NFIL3: variants seen among roughly 807,000 people sequenced by gnomAD.
NFIL3 encodes the protein nuclear factor interleukin-3-regulated protein.
Under a neutral mutation model 10.0 loss-of-function variants are expected in NFIL3, and 5 were observed. The ratio of observed to expected loss-of-function variants is 0.50; its 90% CI spans 0.26 to 1.06. NFIL3 has a LOEUF of 1.06. Ranked by LOEUF, NFIL3 falls within the 50% of genes least tolerant of loss-of-function variation. The pLI, the probability that NFIL3 is intolerant of heterozygous loss-of-function variation, is 0.13. For synonymous variants in NFIL3, 202 were observed against 206.5 expected, an observed-to-expected ratio of 0.98 and a Z score of 0.19; for missense variants, 436 against 547.6, an observed-to-expected ratio of 0.80 and a Z score of 2.03.
At chr9:91,419,669 A>G (rs2440592) in intron 1 of NFIL3, among the ~76,000 whole-genome samples, 19,262 of 152,302 alleles carry the variant, frequency 0.13, 1,452 homozygotes, top group Middle Eastern at 0.17. Flanking sequence ...ATGATAACAG[A>G]GCCCCTCAAC....
At chr9:91,480,368 A>G in the NFIL3 span, among the ~76,000 whole-genome samples, 1 of 152,190 alleles carries the variant, frequency 6.6e-6, no homozygotes. Context: ...AATCAAAGAG[A>G]GTAATGAAAC....
At position 91,410,921 on chromosome 9, in the gene NFIL3, T is replaced by C; in HGVS notation, c.-172-15A>G. Reference sequence around the variant, plus strand: ...TCCTTCGTTATCTGCAATACATGAATAAAAAAAAAACCAGTTATTCACTGG... The same window carrying C: ...TCCTTCGTTATCTGCAATACATGAACAAAAAAAAAACCAGTTATTCACTGG... On this transcript the variant is annotated splice_polypyrimidine_tract_variant and intron_variant, in intron 1 of 1. Coordinates refer to ENST00000297689, the MANE Select transcript of NFIL3 (RefSeq NM_005384.3). This position sits in a 1 kb window ranked among gnomAD's most constrained non-coding sequence, Gnocchi z 5.7. 3 of 464,438 alleles carry C rather than the reference T, an allele frequency of 6.5e-6. No homozygotes were observed. Among genetic ancestry groups the C allele is most frequent in the Non-Finnish European group, 1.2e-5 (3 of 260,034 alleles). The allele number at this position is 464,438 out of a possible 1,614,324, so 28.8% of individuals were successfully genotyped here.
the NFIL3 span, among the ~76,000 whole-genome samples, chr9:91,438,155 C>T: frequency 6.6e-6 from 1 of 152,202 alleles, no homozygotes; most frequent in Admixed American, 6.5e-5. Flanking sequence ...TTTTTCTTCA[C>T]ATACTTCCTA....
In NFIL3 at chr9:91,410,288, A is replaced by C; in HGVS notation, c.447T>G (p.Phe149Leu). ...QKLSNSTAVY[F>L]QDYQTSKSNV... ...TGGATTTGGAAGTCTGGTAATCTTG[A>C]AAGTACACAGCTGTAGAATTACTGA... The change falls in exon 2 of 2, where the codon TTT becomes TTG. Residue 149 changes from phenylalanine (F) to leucine (L), a missense_variant. Physicochemically the swap from Phe to Leu is conservative, Grantham distance 22. Transcript: ENST00000297689. The surrounding 1 kb of genome is among the most constrained non-coding windows in gnomAD (Gnocchi z 5.7). 5 of 1,614,202 alleles carry C rather than the reference A, an allele frequency of 3.1e-6. No individual in the cohort carries two copies. Among genetic ancestry groups the C allele is most frequent in the Non-Finnish European group, 4.2e-6 (5 of 1,180,040 alleles).
At chr9:91,467,164 A>G in the NFIL3 span, among the ~76,000 whole-genome samples, 4 of 151,910 alleles carry the variant, frequency 2.6e-5, no homozygotes, top group Admixed American at 2.6e-4. Flanking sequence ...GTCTTTATAC[A>G]CATATTATAT....
At chr9:91,457,452 C>T in the NFIL3 span, among the ~76,000 whole-genome samples, 1 of 151,968 alleles carries the variant, frequency 6.6e-6, no homozygotes, top group Non-Finnish European at 1.5e-5. Context: ...GTAGAGGTCA[C>T]ATCTTTGTCA....
chr9:91,449,192 A>AT, the NFIL3 span, among the ~76,000 whole-genome samples: 171 of 151,168 alleles, frequency 1.1e-3, 2 homozygotes, highest in South Asian at 0.014. Flanking sequence ...CCTTTTCGTT[A>AT]TTTTTTTTTA....
At chr9:91,469,018 T>C in the NFIL3 span, among the ~76,000 whole-genome samples, 1 of 152,224 alleles carries the variant, frequency 6.6e-6, no homozygotes, top group East Asian at 1.9e-4. Context: ...CAATGTGGGC[T>C]CTTTTTTGGT....
the NFIL3 span, among the ~76,000 whole-genome samples, chr9:91,464,487 CAT>C: frequency 3.3e-5 from 5 of 152,090 alleles, no homozygotes; most frequent in African/African-American, 1.2e-4. Context: ...TTCATTTATA[CAT>C]ATGCCATAAT....
chr9:91,483,062 T>C, the NFIL3 span, among the ~76,000 whole-genome samples: 1 of 152,156 alleles, frequency 6.6e-6, no homozygotes, highest in Admixed American at 6.5e-5. Context: ...TCTTCCCTTA[T>C]CATCTCCCTC....
chr9:91,414,826 C>A (rs1833621252), intron 1 of NFIL3, among the ~76,000 whole-genome samples: 1 of 152,130 alleles, frequency 6.6e-6, no homozygotes, highest in African/African-American at 2.4e-5. Flanking sequence ...GTCTTTTGTG[C>A]CCAACTACAC....
At chr9:91,419,429 G>A (rs560653249) in intron 1 of NFIL3, among the ~76,000 whole-genome samples, 1 of 152,278 alleles carries the variant, frequency 6.6e-6, no homozygotes, top group East Asian at 1.9e-4. Flanking sequence ...CGTCCGAAAG[G>A]CCTCTCACAA....
chr9:91,412,852 C>CAAA (rs769413699), intron 1 of NFIL3, among the ~76,000 whole-genome samples: 2 of 60,334 alleles, frequency 3.3e-5, no homozygotes, highest in South Asian at 1.2e-3. Context: ...GACTTCGTCT[C>CAAA]AAAAAAAAAA....
At chr9:91,441,916 A>G in the NFIL3 span, among the ~76,000 whole-genome samples, 1 of 152,220 alleles carries the variant, frequency 6.6e-6, no homozygotes, top group Admixed American at 6.5e-5. Flanking sequence ...AGAGATATGA[A>G]TGATTCACAT....
At chr9:91,440,600 T>C in the NFIL3 span, among the ~76,000 whole-genome samples, 1 of 152,082 alleles carries the variant, frequency 6.6e-6, no homozygotes, top group African/African-American at 2.4e-5. Context: ...TTTTAGACTA[T>C]TTATTTGGGA....
chr9:91,432,604 G>A, the NFIL3 span, among the ~76,000 whole-genome samples: 1 of 152,154 alleles, frequency 6.6e-6, no homozygotes, highest in African/African-American at 2.4e-5. Flanking sequence ...ATCTTTTGCA[G>A]TATTATGAAA....
At chr9:91,454,277 AT>A in the NFIL3 span, among the ~76,000 whole-genome samples, 2 of 151,632 alleles carry the variant, frequency 1.3e-5, no homozygotes, top group African/African-American at 4.8e-5. Flanking sequence ...ATTACCCATG[AT>A]TTGTGTTCCC....
chr9:91,410,037 C>T lies in NFIL3; in HGVS notation c.698G>A (p.Arg233Lys). 1.2e-6 allele frequency: 2 copies of T among 1,612,704 alleles called. No individual in the cohort carries two copies. Among genetic ancestry groups the T allele is most frequent in the Non-Finnish European group, 1.7e-6 (2 of 1,179,966 alleles). ...CGCTGTGTAAGAGCCTCGGTCATCT[C>T]TTGGCTCCCTTGTGTAGCTCTCTAA... ...MELESYTREP[R>K]DDRGSYTASI... Residue 233 changes from arginine (R) to lysine (K), a missense_variant, in exon 2 of 2, where the codon AGA becomes AAA. Physicochemically the swap from Arg to Lys is conservative, Grantham distance 26. Transcript: ENST00000297689. The surrounding 1 kb of genome is among the most constrained non-coding windows in gnomAD (Gnocchi z 5.7).
intron 1 of NFIL3, among the ~76,000 whole-genome samples, chr9:91,412,116 A>C (rs1833563602): frequency 6.6e-6 from 1 of 150,520 alleles, no homozygotes; most frequent in Non-Finnish European, 1.5e-5. Context: ...AAAAAAAAAA[A>C]AAAAAAACCC....
Sources: allele counts gnomAD v4.1 joint callset (sites outside exome capture counted in the v4.1 genomes callset), GRCh38; gene constraint gnomAD v4.1.1; non-coding constraint Gnocchi (gnomAD v3.1); transcripts MANE v1.5; gene names NCBI Gene and HGNC (gene_info 2026-07-23, HGNC 2026-07-21).